Variants in NEBL observed in about 807,000 individuals in gnomAD.
NEBL encodes LIM and SH3 protein 2.
A neutral mutation model predicts 140.2 loss-of-function variants in NEBL; 122 were observed. That is an observed-to-expected ratio of 0.87 (90% CI 0.75 to 1.01). NEBL has a LOEUF of 1.01. Among genes scored for constraint, NEBL ranks in the 50% least tolerant of loss-of-function variants. The pLI is 0.00. For missense variants in NEBL, 1,365 were observed against 1,231.3 expected (o/e 1.11, Z -1.62); for synonymous variants, 436 against 398.9 (o/e 1.09, Z -1.11).
chr10:20,944,668 T>G (rs940281224), intron 4 of NEBL, among the ~76,000 whole-genome samples: 1 of 152,354 alleles, frequency 6.6e-6, no homozygotes, highest in East Asian at 1.9e-4. Flanking sequence ...GTATCACAGT[T>G]GGAGCGTGAG....
intron 10 of NEBL, among the ~76,000 whole-genome samples, chr10:20,851,455 TATA>T (rs1405817632): frequency 2.6e-5 from 4 of 151,836 alleles, no homozygotes; most frequent in African/African-American, 9.7e-5. Flanking sequence ...TATCGGGAAG[TATA>T]ATAACACACA....
intron 3 of NEBL, among the ~76,000 whole-genome samples, chr10:21,005,269 C>A (rs1202399313): frequency 6.6e-6 from 1 of 152,146 alleles, no homozygotes; most frequent in Non-Finnish European, 1.5e-5. Context: ...GACCTAATGC[C>A]TTTAGAGCAA....
At chr10:21,204,298 C>T (rs1038436175) in intron 3 of NEBL, among the ~76,000 whole-genome samples, 4 of 152,152 alleles carry the variant, frequency 2.6e-5, no homozygotes, top group Admixed American at 2.6e-4. Context: ...TACGTTGGAG[C>T]TCTAACCCCA....
intron 2 of NEBL, among the ~76,000 whole-genome samples, chr10:21,166,302 C>T (rs573548746): frequency 6.7e-6 from 1 of 149,068 alleles, no homozygotes; most frequent in South Asian, 2.1e-4. Context: ...ACCCGTATCA[C>T]TGAAAAAAAA....
rs1263016201 is a variant in NEBL, at chr10:20,783,930, T to C, written c.*1817A>G. ...GCCTGCATTTATTTTTTCAACTTTA[T>C]GTCAGTGACATATAGATGCAGCTTC... is the stretch of plus-strand genomic sequence containing the variant. On this transcript the variant is annotated 3_prime_UTR_variant, in exon 28 of 28. Transcript: ENST00000377122. The C allele has an allele frequency of 1.3e-5, 2 of 152,550 alleles. No individual in the cohort carries two copies. The highest frequency in any genetic ancestry group is 2.9e-5 in the Non-Finnish European group (2 of 68,044). 9.4% of individuals were successfully genotyped at this position (152,550 alleles called of 1,614,324 possible). A position where few individuals can be genotyped will look rare whatever the true frequency, so the allele number is the denominator to read the frequency against.
At chr10:20,816,387 T>C (rs1022497330) in intron 21 of NEBL, among the ~76,000 whole-genome samples, 1 of 152,204 alleles carries the variant, frequency 6.6e-6, no homozygotes, top group Non-Finnish European at 1.5e-5. Flanking sequence ...AGAATTTTTG[T>C]AAAGATGTGT....
intron 3 of NEBL, among the ~76,000 whole-genome samples, chr10:21,014,979 T>C (rs919982347): frequency 1.3e-5 from 2 of 152,212 alleles, no homozygotes; most frequent in Admixed American, 6.5e-5. Flanking sequence ...CCAGAATGAT[T>C]TGCATTCTCT....
At position 21,173,841 on chromosome 10, in the gene NEBL, G is replaced by A; in HGVS notation, c.-8C>T. ...GGCGCACTGGGGGTTCATGATCGCG[G>A]TTCCCGGGGGCGGCGGCGGCGGCGG... On this transcript the variant is annotated 5_prime_UTR_variant, in exon 1 of 7. Transcript: ENST00000417816. The surrounding 1 kb of genome is among the most constrained non-coding windows in gnomAD (Gnocchi z 5.7). 6.2e-7 allele frequency: 1 copy of A among 1,610,628 alleles called. No homozygotes were observed. Among genetic ancestry groups the A allele is most frequent in the Non-Finnish European group, 8.5e-7 (1 of 1,179,388 alleles).
intron 2 of NEBL, among the ~76,000 whole-genome samples, chr10:21,133,567 T>C (rs539302383): frequency 3.3e-4 from 51 of 152,266 alleles, no homozygotes; most frequent in Non-Finnish European, 5.6e-4. Flanking sequence ...AGAGAAAACA[T>C]AGGGAATCTT....
intron 26 of NEBL, among the ~76,000 whole-genome samples, chr10:20,794,678 G>T (rs955194972): frequency 6.6e-6 from 1 of 152,092 alleles, no homozygotes; most frequent in Non-Finnish European, 1.5e-5. Context: ...GGGGAAAGAG[G>T]TAACATAAGA....
chr10:20,929,944 TAG>T (rs1022899830), intron 4 of NEBL, among the ~76,000 whole-genome samples: 2 of 152,146 alleles, frequency 1.3e-5, no homozygotes, highest in African/African-American at 4.8e-5. Flanking sequence ...AAATTGAGGT[TAG>T]AGAGCTTCAG....
intron 2 of NEBL, among the ~76,000 whole-genome samples, chr10:21,103,265 T>C (rs1167250430): frequency 6.7e-6 from 1 of 149,654 alleles, no homozygotes; most frequent in Non-Finnish European, 1.5e-5. Context: ...CAGGCTGGAG[T>C]GCAGTGGCTG....
At position 20,859,846 on chromosome 10, in the gene NEBL, G is replaced by A. The variant is rs1843488427; in HGVS notation, c.685-20C>T. ...TTTAATCTGTCATAAAAGAGAAATA[G>A]TACATGTAACTTTACATTTAAAAGT... On this transcript the variant is annotated intron_variant, in intron 7 of 27. Transcript: ENST00000377122. The A allele has an allele frequency of 8.7e-7, 1 of 1,145,834 alleles. No individual in the cohort carries two copies. The highest frequency in any genetic ancestry group is 1.3e-6 in the Non-Finnish European group (1 of 764,314). The allele number at this position is 1,145,834 out of a possible 1,614,324, so 71.0% of individuals were successfully genotyped here. A position where few individuals can be genotyped will look rare whatever the true frequency, so the allele number is the denominator to read the frequency against.
chr10:20,910,355 A>G (rs1351494245), intron 4 of NEBL, among the ~76,000 whole-genome samples: 2 of 152,228 alleles, frequency 1.3e-5, no homozygotes, highest in African/African-American at 4.8e-5. Flanking sequence ...TGTAGCTTCC[A>G]CTTAAGTTCC....
At position 21,103,267 on chromosome 10, in the gene NEBL, C is replaced by T. The variant is rs1053833947; in HGVS notation, c.164+69116G>A. The stretch of plus-strand genomic sequence containing the variant: ...TCACTCTGTTGCCCAGGCTGGAGTG[C>T]AGTGGCTGCAATCTCGGCCCACTGC... On this transcript the variant is annotated intron_variant, in intron 2 of 6. Coordinates refer to the NEBL transcript ENST00000417816. 1.0e-4 allele frequency among the ~76,000 whole-genome samples: 15 copies of T among 149,308 alleles called. No homozygotes were observed. In the South Asian group the frequency reaches 3.0e-3, roughly 29 times the overall value.
chr10:21,203,812 A>T (rs963819516), intron 3 of NEBL, among the ~76,000 whole-genome samples: 4 of 152,066 alleles, frequency 2.6e-5, no homozygotes, highest in Non-Finnish European at 5.9e-5. Context: ...TGAACTCGGG[A>T]TGACTGTGCC....
chr10:21,006,298 C>A (rs1838136608), intron 3 of NEBL, among the ~76,000 whole-genome samples: 1 of 152,108 alleles, frequency 6.6e-6, no homozygotes, highest in Non-Finnish European at 1.5e-5. Flanking sequence ...GGAGAGATTC[C>A]CAGGAGTGGA....
At chr10:20,877,831 A>G (rs182146463) in intron 5 of NEBL, among the ~76,000 whole-genome samples, 6 of 152,124 alleles carry the variant, frequency 3.9e-5, no homozygotes, top group African/African-American at 1.4e-4. Context: ...TGTCTATAAA[A>G]TCCGATGCAC....
intron 2 of NEBL, among the ~76,000 whole-genome samples, chr10:21,025,750 G>A (rs140216107): frequency 8.5e-5 from 13 of 152,160 alleles, no homozygotes; most frequent in African/African-American, 3.1e-4. Context: ...GTGTGCCTTT[G>A]GGTTAGGTTT....
Sources: gnomAD v4.1 joint callset for allele counts (sites outside exome capture counted in the v4.1 genomes callset) on GRCh38, gnomAD v4.1.1 for gene constraint, Gnocchi (gnomAD v3.1) non-coding constraint, MANE v1.5 for transcripts, NCBI Gene and HGNC (gene_info 2026-07-23, HGNC 2026-07-21) for gene names.